The following ARMC8 variants were observed in gnomAD, a reference collection of about 807,000 sequenced individuals.
The protein encoded by ARMC8 is armadillo repeat containing 8.
Under a neutral mutation model 99.3 loss-of-function variants are expected in ARMC8, and 20 were observed. The ratio of observed to expected loss-of-function variants is 0.20; its 90% CI spans 0.14 to 0.29. The LOEUF (loss-of-function observed/expected upper bound fraction) is 0.29, where lower values mean the gene tolerates loss of function less well. Ranked by LOEUF, ARMC8 falls within the 10% of genes least tolerant of loss-of-function variation. The probability of loss-of-function intolerance (pLI) is 1.00; values close to 1 mark genes in which losing one functional copy is unlikely to be tolerated. For missense variants in ARMC8, 569 were observed against 809.5 expected (o/e 0.70, Z 3.60); for synonymous variants, 263 against 278.3 (o/e 0.95, Z 0.55).
intron 2 of ARMC8, among the ~76,000 whole-genome samples, chr3:138,217,401 CT>C (rs753393123): frequency 0.013 from 1,818 of 135,840 alleles, 5 homozygotes; most frequent in Non-Finnish European, 0.018. Flanking sequence ...GGTCTAGATC[CT>C]TTTTTTTTTT....
chr3:138,241,714 A>T (rs955659888), intron 10 of ARMC8, 69 bp from the exon 11 acceptor site: 26 of 1,292,374 alleles, frequency 2.0e-5, no homozygotes, highest in Non-Finnish European at 2.9e-5. Context: ...TATTGAGTTG[A>T]TTCAGTCACT....
At chr3:138,229,171 T>TATATATAC (rs1559957944) in intron 6 of ARMC8, 161 bp downstream of exon 6, 1 of 44,588 alleles carries the variant, frequency 2.2e-5, no homozygotes, top group African/African-American at 6.7e-5. Context: ...TATATATATA[T>TATATATAC]ATATATATAT....
intron 10 of ARMC8, among the ~76,000 whole-genome samples, chr3:138,240,390 C>T (rs1216469712): frequency 2.0e-5 from 3 of 152,172 alleles, no homozygotes; most frequent in African/African-American, 4.8e-5. Context: ...TGAACACTCC[C>T]TAAGTAAACA....
In ARMC8 at chr3:138,272,116, C is replaced by G. The variant is rs371503266; in HGVS notation, c.1480-851C>G. Among the ~76,000 whole-genome samples, 87 of 152,258 alleles carry G rather than the reference C, an allele frequency of 5.7e-4. No homozygotes were observed. In the South Asian group the frequency reaches 0.017, roughly 30 times the overall value. On this transcript the variant is annotated intron_variant, in intron 16 of 21. Transcript: ENST00000469044. ...AGGAGCAAAATAGCTACTAGCCACC[C>G]GGGATTACTGGTAGCTCAGACACAC...
chr3:138,291,090 TAG>T lies in ARMC8; in HGVS notation c.1988+454_1988+455del, dbSNP rs1465764480. 2.6e-5 allele frequency among the ~76,000 whole-genome samples: 4 copies of T among 152,358 alleles called. No homozygotes were observed. The East Asian group carries it at 5.8e-4, about 22-fold the overall frequency. The stretch of plus-strand genomic sequence containing the variant: ...CCTCAAAGAGCTCATCATTTCCTGG[TAG>T]AGTCAAGAGTTATAATCAGATACTC... On this transcript the variant is annotated intron_variant, in intron 21 of 21. Coordinates refer to ENST00000469044, the MANE Select transcript of ARMC8 (RefSeq NM_001363941.2).
chr3:138,188,232 G>T, intron 1 of ARMC8: 1 of 483,516 alleles, frequency 2.1e-6, no homozygotes, highest in Non-Finnish European at 3.5e-6. Flanking sequence ...TCGCGGCTCT[G>T]AGTCAGAGGA....
chr3:138,258,162 C>T (rs1281873299), intron 12 of ARMC8, among the ~76,000 whole-genome samples: 1 of 152,156 alleles, frequency 6.6e-6, no homozygotes, highest in South Asian at 2.1e-4. Context: ...TGCCTTGACA[C>T]CCCCTCAACC....
chr3:138,270,999 A>G (rs2048737461), intron 16 of ARMC8, among the ~76,000 whole-genome samples: 1 of 152,202 alleles, frequency 6.6e-6, no homozygotes, highest in South Asian at 2.1e-4. Flanking sequence ...CAAATGGGAA[A>G]CTAGGACTCA....
chr3:138,220,638 T>C (rs1251345975), intron 2 of ARMC8, among the ~76,000 whole-genome samples: 1 of 152,070 alleles, frequency 6.6e-6, no homozygotes. Context: ...CCAGTAAATA[T>C]GATTGGTGTT....
At chr3:138,246,807 G>A in intron 12 of ARMC8, 2 of 979,830 alleles carry the variant, frequency 2.0e-6, no homozygotes, top group Non-Finnish European at 2.4e-6. Flanking sequence ...TTCATAATGT[G>A]TATAATTTCC....
intron 11 of ARMC8, among the ~76,000 whole-genome samples, chr3:138,242,557 TTTGAC>T (rs1239459913): frequency 2.0e-5 from 3 of 152,210 alleles, no homozygotes. Context: ...CGGTATTTAT[TTTGAC>T]TTGTTGCATC....
intron 5 of ARMC8, among the ~76,000 whole-genome samples, chr3:138,225,263 A>C (rs1043972987): frequency 6.6e-6 from 1 of 152,068 alleles, no homozygotes; most frequent in African/African-American, 2.4e-5. Flanking sequence ...GGCATGTGCC[A>C]CCACGCCCAG....
chr3:138,196,968 G>A (rs2043772285), intron 1 of ARMC8, among the ~76,000 whole-genome samples: 1 of 152,178 alleles, frequency 6.6e-6, no homozygotes, highest in Non-Finnish European at 1.5e-5. Context: ...TGTGGGAATT[G>A]TTTCTGAAGA....
At chr3:138,193,320 G>A (rs1277922108) in intron 1 of ARMC8, among the ~76,000 whole-genome samples, 1 of 151,858 alleles carries the variant, frequency 6.6e-6, no homozygotes, top group East Asian at 1.9e-4. Context: ...GAGTGCAGTG[G>A]TGTGATCTCA....
chr3:138,264,253 A>G lies in ARMC8; in HGVS notation c.1299+41A>G, dbSNP rs1264122079. On this transcript the variant is annotated intron_variant, in intron 14 of 21. Coordinates refer to ENST00000469044, the MANE Select transcript of ARMC8 (RefSeq NM_001363941.2). ...CAGCCAGTAACAGCTGTACTCACAG[A>G]CCCTAGAGTGAGCTGAGCTAGCTAA... is the stretch of plus-strand genomic sequence containing the variant. The G allele has an allele frequency of 2.6e-6, 4 of 1,524,348 alleles. No homozygotes were observed. The South Asian group carries it at 4.5e-5, about 17-fold the overall frequency. The allele number at this position is 1,524,348 out of a possible 1,614,324, so 94.4% of individuals were successfully genotyped here.
chr3:138,245,400 A>G lies in ARMC8; in HGVS notation c.1134+217A>G. ...GTGGCATGGCCGTGCTGGAATGACA[A>G]ATAACTGGCGTGCTTTTTTTTTGTG... On this transcript the variant is annotated intron_variant, in intron 12 of 21. Coordinates refer to ENST00000469044, the MANE Select transcript of ARMC8 (RefSeq NM_001363941.2). The G allele has an allele frequency of 3.6e-6, 5 of 1,389,762 alleles. No homozygotes were observed. The South Asian group carries it at 7.4e-5, about 21-fold the overall frequency. The allele number at this position is 1,389,762 out of a possible 1,614,324, so 86.1% of individuals were successfully genotyped here. A position where few individuals can be genotyped will look rare whatever the true frequency, so the allele number is the denominator to read the frequency against.
chr3:138,267,189 T>C lies in ARMC8; in HGVS notation c.1334T>C (p.Val445Ala). 5 of 1,581,800 alleles carry C rather than the reference T, an allele frequency of 3.2e-6. No individual in the cohort carries two copies. Among genetic ancestry groups the C allele is most frequent in the Admixed American group, 1.8e-5 (1 of 54,986 alleles). ...LQNAPDEILV[V>A]ASSMLCNLLL... The stretch of plus-strand genomic sequence containing the variant: ...AATGCACCAGATGAAATCCTAGTGG[T>C]AGCATCTTCCATGCTGTGTAATCTT... Residue 445 changes from valine to alanine, a missense_variant, in exon 15 of 22, where the codon GTA becomes GCA. This residue lies in a region of ARMC8 where 227 missense variants were observed against 417.9 expected (regional missense o/e 0.54). Coordinates refer to ENST00000469044, the MANE Select transcript of ARMC8 (RefSeq NM_001363941.2).
chr3:138,291,070 A>G (rs1041331540), intron 21 of ARMC8, among the ~76,000 whole-genome samples: 1 of 152,230 alleles, frequency 6.6e-6, no homozygotes, highest in Middle Eastern at 3.2e-3. Flanking sequence ...ACTGTCCTCA[A>G]AGAGCTCATC....
chr3:138,187,994 G>A (rs991422165), intron 1 of ARMC8: 7 of 268,788 alleles, frequency 2.6e-5, no homozygotes, highest in African/African-American at 4.4e-5. Context: ...GCCGGCCTGA[G>A]AACGAGCGCC....
Sources: allele counts gnomAD v4.1 joint callset (sites outside exome capture counted in the v4.1 genomes callset), GRCh38; gene constraint gnomAD v4.1.1; regional missense constraint gnomAD v4.1.1; transcripts MANE v1.5; gene names NCBI Gene and HGNC (gene_info 2026-07-23, HGNC 2026-07-21).